The following TMEFF2 variants were observed in gnomAD, a reference collection of about 807,000 sequenced individuals.
TMEFF2 encodes the protein tomoregulin-2.
A neutral mutation model predicts 53.8 loss-of-function variants in TMEFF2; 28 were observed. The ratio of observed to expected loss-of-function variants is 0.52; its 90% CI spans 0.39 to 0.71. The LOEUF (loss-of-function observed/expected upper bound fraction) is 0.71, where lower values mean the gene tolerates loss of function less well. TMEFF2 is among the 30% of genes least tolerant of loss of function. The probability of loss-of-function intolerance (pLI) is 0.00; values close to 1 mark genes in which losing one functional copy is unlikely to be tolerated. For missense variants in TMEFF2, 353 were observed against 455.2 expected, an observed-to-expected ratio of 0.78 and a Z score of 2.04; for synonymous variants, 162 against 166.3, an observed-to-expected ratio of 0.97 and a Z score of 0.20.
At chr2:191,980,939 A>T (rs561963521) in intron 7 of TMEFF2, among the ~76,000 whole-genome samples, 2 of 152,016 alleles carry the variant, frequency 1.3e-5, no homozygotes, top group Non-Finnish European at 2.9e-5. Flanking sequence ...CCTAAATCCA[A>T]CTAAAATCTA....
rs568651562 is a variant in TMEFF2, at chr2:191,972,407, C to T, written c.746-16029G>A. Among the ~76,000 whole-genome samples the T allele has an allele frequency of 2.6e-4, 39 of 147,354 alleles. 1 individual carries two copies. Among genetic ancestry groups the T allele is most frequent in the African/African-American group, 9.6e-4 (38 of 39,550 alleles). On this transcript the variant is annotated intron_variant, in intron 7 of 9. Transcript: ENST00000272771. ...TGAACTCCTGACCTCAGGTGATCTG[C>T]CCACCTCGGCCTCCCAAAGGGTTGG... is the stretch of plus-strand genomic sequence containing the variant.
intron 7 of TMEFF2, among the ~76,000 whole-genome samples, chr2:191,977,452 ATT>A (rs578202282): frequency 6.6e-6 from 1 of 152,098 alleles, no homozygotes; most frequent in South Asian, 2.1e-4. Flanking sequence ...TCAGTAATGA[ATT>A]TTTTTTAAAG....
intron 4 of TMEFF2, among the ~76,000 whole-genome samples, chr2:192,140,847 G>A (rs1228315013): frequency 2.6e-5 from 4 of 152,220 alleles, no homozygotes; most frequent in Admixed American, 6.5e-5. Context: ...GCCACAGGCA[G>A]GACAGGGGGA....
chr2:192,075,532 A>G (rs1688413712), intron 4 of TMEFF2, among the ~76,000 whole-genome samples: 1 of 151,254 alleles, frequency 6.6e-6, no homozygotes, highest in Non-Finnish European at 1.5e-5. Flanking sequence ...TGACATCAAC[A>G]GGTCTCTCAT....
chr2:192,049,189 C>T (rs2105894451), intron 5 of TMEFF2, among the ~76,000 whole-genome samples: 1 of 147,982 alleles, frequency 6.8e-6, no homozygotes, highest in Admixed American at 6.8e-5. Context: ...TCACAATATA[C>T]ACTTATATAC....
chr2:191,954,097 C>T (rs930300817), intron 8 of TMEFF2, among the ~76,000 whole-genome samples: 2 of 152,006 alleles, frequency 1.3e-5, no homozygotes, highest in Non-Finnish European at 1.5e-5. Context: ...CCCTGTTAGC[C>T]AGGATGGTCT....
chr2:192,083,708 C>A (rs1688605572), intron 4 of TMEFF2, among the ~76,000 whole-genome samples: 1 of 150,562 alleles, frequency 6.6e-6, no homozygotes. Context: ...TCAACACCTA[C>A]CCCCTGAATC....
At chr2:192,018,598 G>A (rs1417114406) in intron 5 of TMEFF2, among the ~76,000 whole-genome samples, 4 of 152,106 alleles carry the variant, frequency 2.6e-5, no homozygotes, top group Non-Finnish European at 5.9e-5. Flanking sequence ...GTGGGGATCA[G>A]CTGGAAATAG....
chr2:192,187,191 G>T (rs1332291354), intron 2 of TMEFF2, among the ~76,000 whole-genome samples: 4 of 152,110 alleles, frequency 2.6e-5, no homozygotes, highest in Non-Finnish European at 5.9e-5. Context: ...CACTGTCTTG[G>T]TGTAGGACCT....
intron 4 of TMEFF2, among the ~76,000 whole-genome samples, chr2:192,164,377 A>G (rs1249910396): frequency 2.0e-5 from 3 of 152,100 alleles, no homozygotes; most frequent in African/African-American, 7.2e-5. Context: ...TTCAGTGAAA[A>G]TCTCACTCTT....
At chr2:191,984,726 T>A (rs1685935744) in intron 7 of TMEFF2, among the ~76,000 whole-genome samples, 1 of 151,972 alleles carries the variant, frequency 6.6e-6, no homozygotes, top group South Asian at 2.1e-4. Context: ...AGAAACCCAT[T>A]AGGGGAGGGG....
intron 4 of TMEFF2, among the ~76,000 whole-genome samples, chr2:192,086,331 C>T (rs1389557304): frequency 6.6e-6 from 1 of 152,262 alleles, no homozygotes; most frequent in Admixed American, 6.5e-5. Flanking sequence ...GTAAAGATAA[C>T]TGCAATTATC....
At chr2:192,123,299 TTTGA>T (rs1472607307) in intron 4 of TMEFF2, among the ~76,000 whole-genome samples, 5 of 152,348 alleles carry the variant, frequency 3.3e-5, no homozygotes, top group East Asian at 3.9e-4. Context: ...GATGTGCTAA[TTTGA>T]TTTTCTCCTA....
At chr2:191,950,953 A>T (rs1691856560) in intron 9 of TMEFF2, among the ~76,000 whole-genome samples, 1 of 152,318 alleles carries the variant, frequency 6.6e-6, no homozygotes, top group East Asian at 1.9e-4. Context: ...GTTATTTAGC[A>T]TCTATAAAAA....
chr2:191,976,591 T>C (rs1685734682), intron 7 of TMEFF2, among the ~76,000 whole-genome samples: 2 of 152,252 alleles, frequency 1.3e-5, no homozygotes, highest in African/African-American at 4.8e-5. Context: ...CTTAGTCATT[T>C]ATTATTGTTA....
intron 2 of TMEFF2, among the ~76,000 whole-genome samples, chr2:192,188,232 G>A (rs1691363382): frequency 6.6e-6 from 1 of 152,170 alleles, no homozygotes; most frequent in Admixed American, 6.5e-5. Flanking sequence ...TGACTATGGT[G>A]GAAATGACTC....
chr2:192,014,100 G>T (rs1453430802), intron 5 of TMEFF2, among the ~76,000 whole-genome samples: 1 of 152,158 alleles, frequency 6.6e-6, no homozygotes, highest in East Asian at 1.9e-4. Flanking sequence ...CATAGTGGAT[G>T]TGCAATAGAT....
At chr2:192,001,194 C>T (rs1003425801) in intron 5 of TMEFF2, among the ~76,000 whole-genome samples, 1 of 152,152 alleles carries the variant, frequency 6.6e-6, no homozygotes, top group African/African-American at 2.4e-5. Context: ...GAATTATCTC[C>T]TTCAAGGTCT....
At chr2:192,054,168 G>A (rs1180064908) in intron 5 of TMEFF2, among the ~76,000 whole-genome samples, 1 of 151,036 alleles carries the variant, frequency 6.6e-6, no homozygotes, top group Non-Finnish European at 1.5e-5. Context: ...TTGTCCCTAT[G>A]CTGGGGGCAT....
Sources: allele counts gnomAD v4.1 joint callset (sites outside exome capture counted in the v4.1 genomes callset), GRCh38; gene constraint gnomAD v4.1.1; transcripts MANE v1.5; gene names NCBI Gene and HGNC (gene_info 2026-07-23, HGNC 2026-07-21).